Variants in BCL9 observed in about 807,000 individuals in gnomAD.
BCL9 encodes the protein BCL9 transcription coactivator, also known as B-cell CLL/lymphoma 9 protein.
In BCL9, 25 loss-of-function variants were observed where a neutral mutation model predicts 88.5. That is an observed-to-expected ratio of 0.28 (90% CI 0.21 to 0.39). BCL9 has a LOEUF of 0.39. Ranked by LOEUF, BCL9 falls within the 10% of genes least tolerant of loss-of-function variation. BCL9 has a pLI of 1.00. For missense variants in BCL9, 1,817 were observed against 1,877.8 expected, an observed-to-expected ratio of 0.97 and a Z score of 0.60; for synonymous variants, 711 against 673.3, an observed-to-expected ratio of 1.06 and a Z score of -0.87.
In BCL9 at chr1:147,604,854, T is replaced by A. The variant is rs1481225686; in HGVS notation, c.-400T>A. ...TCTGATTGGGTGGCAGAGATCATTT[T>A]TGGAAAGTTCTTCCGTGTCCCGATG... On this transcript the variant is annotated 5_prime_UTR_variant, in exon 2 of 10. In the 5' UTR this introduces an upstream ATG that the reference lacks. Coordinates refer to ENST00000234739, the MANE Select transcript of BCL9 (RefSeq NM_004326.4). 2.0e-5 allele frequency: 3 copies of A among 152,234 alleles called. No individual in the cohort carries two copies. In the East Asian group the frequency reaches 5.8e-4, roughly 29 times the overall value. The allele number at this position is 152,234 out of a possible 1,614,324, so 9.4% of individuals were successfully genotyped here. A position where few individuals can be genotyped will look rare whatever the true frequency, so the allele number is the denominator to read the frequency against.
At position 147,619,796 on chromosome 1, in the gene BCL9, G is replaced by A. The variant is rs1221932769; in HGVS notation, c.1641G>A (p.Arg547=). The A allele has an allele frequency of 6.2e-7, 1 of 1,614,010 alleles. No homozygotes were observed. Among genetic ancestry groups the A allele is most frequent in the African/African-American group, 1.3e-5 (1 of 74,914 alleles). The change falls in exon 8 of 10, where the codon AGG becomes AGA. Residue 547 remains arginine, a synonymous_variant. Coordinates refer to ENST00000234739, the MANE Select transcript of BCL9 (RefSeq NM_004326.4). The surrounding 1 kb of genome is among the most constrained non-coding windows in gnomAD (Gnocchi z 4.1). ...GINMPHSLPP[R]GMAPHPNMPG... The stretch of plus-strand genomic sequence containing the variant: ...ACATGCCACATTCTCTGCCCCCGAG[G>A]GGCATGGCTCCCCACCCCAACATGC...
intron 1 of BCL9, among the ~76,000 whole-genome samples, chr1:147,596,569 A>G (rs898086029): frequency 1.4e-4 from 7 of 51,544 alleles, no homozygotes; most frequent in African/African-American, 5.7e-4. Flanking sequence ...GCCGGCCACC[A>G]CACCCTGCTA....
intron 1 of BCL9, among the ~76,000 whole-genome samples, chr1:147,581,283 A>G (rs1216504460): frequency 6.6e-6 from 1 of 152,194 alleles, no homozygotes; most frequent in East Asian, 1.9e-4. Context: ...TAAACTCCCA[A>G]AATGACAGCT....
chr1:147,599,846 C>A (rs1316075717), intron 1 of BCL9, among the ~76,000 whole-genome samples: 1 of 150,598 alleles, frequency 6.6e-6, no homozygotes, highest in Non-Finnish European at 1.5e-5. Flanking sequence ...CGGGAGGAGG[C>A]CGCGGCGGGT....
chr1:147,614,051 G>C (rs1658142661), intron 5 of BCL9, among the ~76,000 whole-genome samples: 1 of 152,152 alleles, frequency 6.6e-6, no homozygotes, highest in Admixed American at 6.5e-5. Context: ...TCAAAGATTT[G>C]AATGCACCTA....
Position 147,614,442 on chromosome 1 carries a change from A to G in BCL9, c.386A>G (p.Asp129Gly). 1 of 1,613,916 alleles carries G rather than the reference A, an allele frequency of 6.2e-7. No individual in the cohort carries two copies. The highest frequency in any genetic ancestry group is 8.5e-7 in the Non-Finnish European group (1 of 1,179,874). Residue 129 changes from aspartate to glycine, a missense_variant, in exon 6 of 10, where the codon GAC (aspartate) becomes GGC (glycine). Physicochemically the swap from Asp to Gly is moderately conservative, Grantham distance 94. Transcript: ENST00000234739. ...DSDIKECNSADHIKSQDSQHT... is the reference protein window; with the variant it reads ...DSDIKECNSAGHIKSQDSQHT... ...ATTCTTTTAGAATGTAATTCTGCTG[A>G]CCACATAAAGTCCCAGGATTCCCAG... is the stretch of plus-strand genomic sequence containing the variant.
intron 1 of BCL9, among the ~76,000 whole-genome samples, chr1:147,574,151 C>A (rs1436912873): frequency 1.3e-5 from 2 of 152,112 alleles, no homozygotes; most frequent in African/African-American, 4.8e-5. Flanking sequence ...TTGTCTGACC[C>A]TCAAACCCAT....
chr1:147,595,006 G>GTGAGA (rs1656986647), intron 1 of BCL9, among the ~76,000 whole-genome samples: 1 of 152,236 alleles, frequency 6.6e-6, no homozygotes, highest in Non-Finnish European at 1.5e-5. Context: ...TCCTTCAGAG[G>GTGAGA]TGAGATGAGA....
At chr1:147,567,221 T>C (rs1191771869) in intron 1 of BCL9, among the ~76,000 whole-genome samples, 1 of 152,170 alleles carries the variant, frequency 6.6e-6, no homozygotes, top group African/African-American at 2.4e-5. Flanking sequence ...TACAAACCCA[T>C]TGGCTTTGGT....
At chr1:147,544,332 A>G (rs12127408) in intron 1 of BCL9, among the ~76,000 whole-genome samples, 73,330 of 152,084 alleles carry the variant, frequency 0.48, 20,910 homozygotes, top group African/African-American at 0.81. Flanking sequence ...TGCCCCAGCC[A>G]ACCTCCATTC....
chr1:147,558,474 T>C (rs1482365980), intron 1 of BCL9, among the ~76,000 whole-genome samples: 1 of 152,172 alleles, frequency 6.6e-6, no homozygotes, highest in Non-Finnish European at 1.5e-5. Flanking sequence ...CTTGCGTTCC[T>C]TGGTCTGGTC....
intron 1 of BCL9, among the ~76,000 whole-genome samples, chr1:147,569,793 A>G (rs1197117365): frequency 2.6e-5 from 4 of 152,232 alleles, no homozygotes; most frequent in African/African-American, 9.6e-5. Context: ...GCAGTGAGAA[A>G]GAGGAGGAAG....
intron 1 of BCL9, among the ~76,000 whole-genome samples, chr1:147,544,649 G>A (rs1372408345): frequency 1.3e-5 from 2 of 151,930 alleles, no homozygotes. Flanking sequence ...CATTATCACT[G>A]TCATCTTGGA....
chr1:147,544,736 G>A (rs1654479597), intron 1 of BCL9, among the ~76,000 whole-genome samples: 1 of 151,988 alleles, frequency 6.6e-6, no homozygotes, highest in East Asian at 1.9e-4. Context: ...TCCCAGTGAG[G>A]ACTCATAAAG....
intron 9 of BCL9, 138 bp from the exon 10 acceptor site, chr1:147,623,704 C>T: frequency 1.0e-6 from 1 of 955,848 alleles, no homozygotes. Flanking sequence ...TTATTGATGG[C>T]AGGGATTGTG....
chr1:147,556,086 T>G (rs1467668588), intron 1 of BCL9, among the ~76,000 whole-genome samples: 3 of 152,020 alleles, frequency 2.0e-5, no homozygotes, highest in Non-Finnish European at 2.9e-5. Context: ...AGATTGAGGG[T>G]CTTACATCTT....
At chr1:147,623,365 G>A (rs1162942199) in intron 9 of BCL9, among the ~76,000 whole-genome samples, 1 of 152,142 alleles carries the variant, frequency 6.6e-6, no homozygotes, top group African/African-American at 2.4e-5. Context: ...GGAATCTCGA[G>A]TTTTAAATGC....
intron 2 of BCL9, 88 bp from the exon 3 acceptor site, chr1:147,606,696 C>T (rs782789243): frequency 1.3e-5 from 2 of 152,162 alleles, no homozygotes; most frequent in African/African-American, 2.4e-5. Context: ...AATAAGAAAC[C>T]TGTTTTTCTC....
chr1:147,624,084 G>A lies in BCL9; in HGVS notation c.3406G>A (p.Gly1136Ser), dbSNP rs1553205988. 3.1e-6 allele frequency: 5 copies of A among 1,610,762 alleles called. No homozygotes were observed. The South Asian group carries it at 5.5e-5, about 18-fold the overall frequency. Reference protein sequence around the residue: ...EPPMVPQGRMGFPQGFPPVQS... With the variant: ...EPPMVPQGRMSFPQGFPPVQS... ...ACCGATGGTACCTCAAGGACGGATG[G>A]GCTTCCCCCAGGGCTTCCCTCCAGT... Residue 1136 changes from glycine (G) to serine (S), a missense_variant, in exon 10 of 10, where the codon GGC (glycine) becomes AGC (serine). Physicochemically the swap from Gly to Ser is moderately conservative, Grantham distance 56. This residue lies in a region of BCL9 where 589 missense variants were observed against 686.2 expected (regional missense o/e 0.86). Transcript: ENST00000234739. The surrounding 1 kb of genome is among the most constrained non-coding windows in gnomAD (Gnocchi z 4.4).
Sources: gnomAD v4.1 joint callset for allele counts (sites outside exome capture counted in the v4.1 genomes callset) on GRCh38, gnomAD v4.1.1 for gene constraint, gnomAD v4.1.1 regional missense constraint, Gnocchi (gnomAD v3.1) non-coding constraint, MANE v1.5 for transcripts, NCBI Gene and HGNC (gene_info 2026-07-23, HGNC 2026-07-21) for gene names.